The following SRGAP3 variants were observed in gnomAD, a reference collection of about 807,000 sequenced individuals.
SRGAP3 encodes SLIT-ROBO Rho GTPase-activating protein 3.
SRGAP3 carries 39 observed loss-of-function variants against 121.1 expected under a neutral mutation model. The ratio of observed to expected loss-of-function variants is 0.32; its 90% CI spans 0.25 to 0.42. SRGAP3 has a LOEUF of 0.42. Ranked by LOEUF, SRGAP3 falls within the 10% of genes least tolerant of loss-of-function variation. The pLI, the probability that SRGAP3 is intolerant of heterozygous loss-of-function variation, is 1.00. For synonymous variants in SRGAP3, 601 were observed against 570.0 expected, an observed-to-expected ratio of 1.05 and a Z score of -0.77; for missense variants, 1,213 against 1,470.6, an observed-to-expected ratio of 0.82 and a Z score of 2.86.
At chr3:9,245,618 A>C (rs951827952) in intron 1 of SRGAP3, among the ~76,000 whole-genome samples, 24 of 152,200 alleles carry the variant, frequency 1.6e-4, no homozygotes, top group African/African-American at 5.3e-4. Flanking sequence ...TATTCAATGC[A>C]ACATAAGAAA....
chr3:9,237,896 G>C (rs1953473554), intron 1 of SRGAP3, among the ~76,000 whole-genome samples: 3 of 152,226 alleles, frequency 2.0e-5, no homozygotes, highest in Non-Finnish European at 4.4e-5. Context: ...GCTGCTGTGG[G>C]GAGAGTAGAC....
At chr3:9,177,931 T>C (rs1951239116) in intron 1 of SRGAP3, among the ~76,000 whole-genome samples, 1 of 152,152 alleles carries the variant, frequency 6.6e-6, no homozygotes, top group African/African-American at 2.4e-5. Context: ...CTGCAGGAAC[T>C]ACTAGGAGCT....
intron 1 of SRGAP3, among the ~76,000 whole-genome samples, chr3:9,224,531 C>T (rs561152337): frequency 3.9e-5 from 6 of 152,250 alleles, no homozygotes; most frequent in African/African-American, 9.6e-5. Context: ...CAAGAAATAC[C>T]GCCTTCCCAA....
chr3:9,018,880 C>G (rs189734992), intron 14 of SRGAP3, among the ~76,000 whole-genome samples: 1 of 152,118 alleles, frequency 6.6e-6, no homozygotes, highest in Non-Finnish European at 1.5e-5. Flanking sequence ...CATTTTCATT[C>G]GTTTCTGGTT....
At chr3:9,160,083 C>G (rs1950557456) in intron 1 of SRGAP3, among the ~76,000 whole-genome samples, 1 of 152,200 alleles carries the variant, frequency 6.6e-6, no homozygotes, top group Admixed American at 6.5e-5. Context: ...CCAGTGTTAC[C>G]ACTGGCTACC....
intron 1 of SRGAP3, among the ~76,000 whole-genome samples, chr3:9,337,891 G>A (rs1460971484): frequency 6.6e-6 from 1 of 152,116 alleles, no homozygotes; most frequent in East Asian, 1.9e-4. Flanking sequence ...TCATCCTGCA[G>A]GAAAGAAATG....
chr3:9,029,866 G>A (rs1161898585), intron 12 of SRGAP3, among the ~76,000 whole-genome samples: 1 of 152,142 alleles, frequency 6.6e-6, no homozygotes, highest in African/African-American at 2.4e-5. Context: ...GTAAGGCCAA[G>A]TGCAGTGGCG....
chr3:9,107,090 A>C (rs1948444240), intron 2 of SRGAP3, among the ~76,000 whole-genome samples: 1 of 152,230 alleles, frequency 6.6e-6, no homozygotes, highest in Non-Finnish European at 1.5e-5. Context: ...GAACTATCTA[A>C]GGAAAAGGGA....
intron 1 of SRGAP3, among the ~76,000 whole-genome samples, chr3:9,170,338 A>G (rs1209659079): frequency 6.6e-6 from 1 of 152,170 alleles, no homozygotes; most frequent in Non-Finnish European, 1.5e-5. Context: ...TTTGGCTTGA[A>G]TGAACTTTCT....
chr3:9,158,867 T>G (rs1950511918), intron 1 of SRGAP3, among the ~76,000 whole-genome samples: 2 of 152,210 alleles, frequency 1.3e-5, no homozygotes, highest in Non-Finnish European at 2.9e-5. Context: ...AGGCCTCAGC[T>G]GCCTGCAGGA....
At chr3:9,297,826 G>A (rs1320327744) in intron 3 of SRGAP3, among the ~76,000 whole-genome samples, 1 of 151,958 alleles carries the variant, frequency 6.6e-6, no homozygotes, top group Non-Finnish European at 1.5e-5. Flanking sequence ...AACCCAGGAG[G>A]CAGAGGTTGC....
chr3:9,082,263 G>A (rs936430035), intron 3 of SRGAP3, among the ~76,000 whole-genome samples: 1 of 152,220 alleles, frequency 6.6e-6, no homozygotes, highest in Non-Finnish European at 1.5e-5. Context: ...TGTACAGCCT[G>A]CAGAACTGTG....
intron 18 of SRGAP3, among the ~76,000 whole-genome samples, chr3:9,001,825 C>A (rs1174045046): frequency 6.6e-6 from 1 of 152,046 alleles, no homozygotes; most frequent in African/African-American, 2.4e-5. Context: ...TAAATGGCAG[C>A]ATTTCATAAT....
At chr3:9,339,488 C>T (rs1309473661) in intron 1 of SRGAP3, among the ~76,000 whole-genome samples, 1 of 152,158 alleles carries the variant, frequency 6.6e-6, no homozygotes, top group Non-Finnish European at 1.5e-5. Context: ...AACTCAAGTG[C>T]CTATGGTGGC....
chr3:9,087,471 C>T lies in SRGAP3; in HGVS notation c.424-7384G>A, dbSNP rs373858420. Among the ~76,000 whole-genome samples, 6 of 152,042 alleles carry T rather than the reference C, an allele frequency of 3.9e-5. No homozygotes were observed. In the East Asian group the frequency reaches 5.8e-4, roughly 15 times the overall value. On this transcript the variant is annotated intron_variant, in intron 3 of 21. Transcript: ENST00000383836. Reference sequence around the variant, plus strand: ...AAGAACACAATTCTAAGGCAGGAGGCGGAAAGGGCCATACAAGAGTAAAGG... The same window carrying T: ...AAGAACACAATTCTAAGGCAGGAGGTGGAAAGGGCCATACAAGAGTAAAGG...
At chr3:9,284,454 A>T (rs1954732695) in intron 3 of SRGAP3, among the ~76,000 whole-genome samples, 2 of 152,240 alleles carry the variant, frequency 1.3e-5, no homozygotes, top group African/African-American at 4.8e-5. Context: ...AGGTGCCAGA[A>T]GCTTTAGCTA....
At chr3:9,210,595 C>A (rs1314552258) in intron 1 of SRGAP3, among the ~76,000 whole-genome samples, 3 of 152,066 alleles carry the variant, frequency 2.0e-5, no homozygotes, top group South Asian at 2.1e-4. Flanking sequence ...GAGGCTGAGG[C>A]GGGCAGATCA....
chr3:9,300,165 T>C (rs76018465), intron 3 of SRGAP3, among the ~76,000 whole-genome samples: 2 of 154 alleles, frequency 0.013, no homozygotes, highest in African/African-American at 0.033. Context: ...ACCACCATCA[T>C]CATCTTCATC....
chr3:9,117,894 G>C (rs1245418606), intron 2 of SRGAP3, among the ~76,000 whole-genome samples: 1 of 152,150 alleles, frequency 6.6e-6, no homozygotes, highest in Non-Finnish European at 1.5e-5. Context: ...TAAGGTAAGA[G>C]AATTGCTTGA....
Sources: gnomAD v4.1 joint callset for allele counts (sites outside exome capture counted in the v4.1 genomes callset) on GRCh38, gnomAD v4.1.1 for gene constraint, MANE v1.5 for transcripts, NCBI Gene and HGNC (gene_info 2026-07-23, HGNC 2026-07-21) for gene names.